RBFOX1: variants seen among roughly 807,000 people sequenced by gnomAD.
RBFOX1 encodes the protein RNA binding fox-1 homolog 1, also known as RNA binding protein fox-1 homolog 1.
RBFOX1 carries 8 observed loss-of-function variants against 57.7 expected under a neutral mutation model. That is an observed-to-expected ratio of 0.14 (90% CI 0.08 to 0.25). RBFOX1 has a LOEUF of 0.25. Ranked by LOEUF, RBFOX1 falls within the 10% of genes least tolerant of loss-of-function variation. The pLI, the probability that RBFOX1 is intolerant of heterozygous loss-of-function variation, is 1.00. For synonymous variants in RBFOX1, 326 were observed against 222.4 expected (o/e 1.47, Z -4.15); for missense variants, 611 against 548.5 (o/e 1.11, Z -1.14).
intron 4 of RBFOX1, among the ~76,000 whole-genome samples, chr16:7,195,472 A>G (rs770594459): frequency 6.6e-6 from 1 of 152,196 alleles, no homozygotes; most frequent in Non-Finnish European, 1.5e-5. Context: ...GCAAAACAGA[A>G]CAACTGACCC....
Position 7,672,441 on chromosome 16 carries a change from T to C in RBFOX1, c.931-4333T>C, listed in dbSNP as rs1008062645. Among the ~76,000 whole-genome samples the C allele has an allele frequency of 2.0e-5, 3 of 152,228 alleles. No individual in the cohort carries two copies. The East Asian group carries it at 5.8e-4, about 29-fold the overall frequency. ...TAAACCATGAGAATTGACTGAGTTT[T>C]AATTAAAACCTGAATGTGAGAAAGA... On this transcript the variant is annotated intron_variant, in intron 13 of 15. Coordinates refer to ENST00000550418, the MANE Select transcript of RBFOX1 (RefSeq NM_018723.4).
intron 1 of RBFOX1, among the ~76,000 whole-genome samples, chr16:6,055,571 C>G (rs1215238585): frequency 8.8e-6 from 1 of 113,676 alleles, no homozygotes; most frequent in African/African-American, 3.4e-5. Context: ...CCAGCTTGGG[C>G]AACAGAGTGA....
intron 4 of RBFOX1, among the ~76,000 whole-genome samples, chr16:7,176,899 G>A (rs377682145): frequency 2.0e-5 from 3 of 152,112 alleles, no homozygotes; most frequent in Non-Finnish European, 4.4e-5. Flanking sequence ...AAATTTTTTA[G>A]ATATTTCCCA....
chr16:5,746,194 G>A (rs1176583480), intron 3 of RBFOX1, among the ~76,000 whole-genome samples: 1 of 152,132 alleles, frequency 6.6e-6, no homozygotes, highest in Non-Finnish European at 1.5e-5. Flanking sequence ...ATTAAATAGG[G>A]AATCCTTCCC....
intron 4 of RBFOX1, among the ~76,000 whole-genome samples, chr16:7,459,534 T>A (rs900870017): frequency 1.3e-5 from 2 of 152,218 alleles, no homozygotes; most frequent in Non-Finnish European, 2.9e-5. Flanking sequence ...TTGCATCCAC[T>A]GTGTGGAACA....
At chr16:6,499,167 C>G (rs1466704888) in intron 2 of RBFOX1, among the ~76,000 whole-genome samples, 1 of 152,168 alleles carries the variant, frequency 6.6e-6, no homozygotes, top group Non-Finnish European at 1.5e-5. Context: ...TGCTGGTGGA[C>G]TGCATCTCCT....
rs576479843 is a variant in RBFOX1 at position 5,662,373 on chromosome 16, A to G, written c.318+63412A>G. On this transcript the variant is annotated intron_variant, in intron 3 of 19. Coordinates refer to the RBFOX1 transcript ENST00000641259. Reference sequence around the variant, plus strand: ...TTAAAATGAGAACTTTCTAAAATGCAGGGTTACCTGACCACATAATCTATT... The same window carrying G: ...TTAAAATGAGAACTTTCTAAAATGCGGGGTTACCTGACCACATAATCTATT... Among the ~76,000 whole-genome samples, 30 of 152,294 alleles carry G rather than the reference A, an allele frequency of 2.0e-4. No homozygotes were observed. The East Asian group carries it at 5.4e-3, about 27-fold the overall frequency.
intron 12 of RBFOX1, 54 bp downstream of exon 12, chr16:7,654,001 G>A (rs946508064): frequency 6.9e-7 from 1 of 1,441,012 alleles, no homozygotes; most frequent in Non-Finnish European, 9.1e-7. Flanking sequence ...TCCCTCCCCA[G>A]AGGCACGGAG....
chr16:6,895,494 C>A (rs532161080), intron 3 of RBFOX1, among the ~76,000 whole-genome samples: 1 of 101,992 alleles, frequency 9.8e-6, no homozygotes. Context: ...ATATTTATTC[C>A]CCTATTGGAT....
intron 3 of RBFOX1, among the ~76,000 whole-genome samples, chr16:5,790,867 TTTTTTTG>T (rs1202242891): frequency 7.6e-6 from 1 of 131,406 alleles, no homozygotes; most frequent in African/African-American, 3.1e-5. Flanking sequence ...TTATTTTTTT[TTTTTTTG>T]TTTTTTTTTT....
At chr16:6,910,075 G>A (rs1370046974) in intron 3 of RBFOX1, among the ~76,000 whole-genome samples, 2 of 152,036 alleles carry the variant, frequency 1.3e-5, no homozygotes, top group African/African-American at 2.4e-5. Context: ...AAGGGATATT[G>A]TGCCTGTACG....
Position 6,595,819 on chromosome 16 carries a change from T to C in RBFOX1, c.-63-58784T>C, listed in dbSNP as rs773156175. Among the ~76,000 whole-genome samples, 61 of 152,328 alleles carry C rather than the reference T, an allele frequency of 4.0e-4. 1 individual carries two copies. The highest frequency in any genetic ancestry group is 8.5e-4 in the Admixed American group (13 of 15,300). On this transcript the variant is annotated intron_variant, in intron 2 of 15. Coordinates refer to ENST00000550418, the MANE Select transcript of RBFOX1 (RefSeq NM_018723.4). Reference sequence around the variant, plus strand: ...CCCTAATGATTACTGGCATTAAGCATCTTTTTAATGTGCTTGTTGGGCATT... The same window carrying C: ...CCCTAATGATTACTGGCATTAAGCACCTTTTTAATGTGCTTGTTGGGCATT...
chr16:6,621,109 C>T (rs2098223421), intron 2 of RBFOX1, among the ~76,000 whole-genome samples: 1 of 152,196 alleles, frequency 6.6e-6, no homozygotes, highest in Non-Finnish European at 1.5e-5. Flanking sequence ...TCTGTTGTCA[C>T]ATGGCTGTAT....
chr16:6,798,021 A>G (rs886389100), intron 3 of RBFOX1, among the ~76,000 whole-genome samples: 22 of 152,120 alleles, frequency 1.4e-4, no homozygotes, highest in Non-Finnish European at 2.6e-4. Flanking sequence ...GATGATGATG[A>G]TGGTGATGAT....
At chr16:7,028,498 A>C (rs2041645727) in intron 3 of RBFOX1, among the ~76,000 whole-genome samples, 2 of 149,634 alleles carry the variant, frequency 1.3e-5, no homozygotes, top group Non-Finnish European at 3.0e-5. Context: ...GAGGCAGGAG[A>C]ATCGCTTGAA....
rs76384778 is a variant in RBFOX1 at position 5,633,517 on chromosome 16, A to T, written c.318+34556A>T. On this transcript the variant is annotated intron_variant, in intron 3 of 19. Coordinates refer to the RBFOX1 transcript ENST00000641259. ...TCACAAACTGTGTATCCGACAAAAG[A>T]CTGACATCCAGAATCTACAAGGAAC... Among the ~76,000 whole-genome samples, 1,224 of 152,286 alleles carry T rather than the reference A, an allele frequency of 8.0e-3. 30 individuals are homozygous for T. In the East Asian group the frequency reaches 0.11, roughly 14 times the overall value.
chr16:6,601,688 T>C (rs2154007817), intron 2 of RBFOX1, among the ~76,000 whole-genome samples: 1 of 152,252 alleles, frequency 6.6e-6, no homozygotes, highest in South Asian at 2.1e-4. Flanking sequence ...AGGTCAGATC[T>C]GTAGGAGAGG....
At chr16:7,428,781 G>A (rs779276846) in intron 4 of RBFOX1, among the ~76,000 whole-genome samples, 6 of 151,572 alleles carry the variant, frequency 4.0e-5, no homozygotes, top group Non-Finnish European at 8.8e-5. Context: ...TTTTATTTTG[G>A]CTTTGAGGGC....
chr16:6,953,610 C>G (rs1392586920), intron 3 of RBFOX1, among the ~76,000 whole-genome samples: 1 of 152,172 alleles, frequency 6.6e-6, no homozygotes, highest in African/African-American at 2.4e-5. Flanking sequence ...TGGTCTGAAA[C>G]TGCTGACTTG....
Sources: gnomAD v4.1 joint callset for allele counts (sites outside exome capture counted in the v4.1 genomes callset) on GRCh38, gnomAD v4.1.1 for gene constraint, MANE v1.5 for transcripts, NCBI Gene and HGNC (gene_info 2026-07-23, HGNC 2026-07-21) for gene names.